FAM83G: variants seen among roughly 807,000 people sequenced by gnomAD.
FAM83G encodes the protein protein FAM83G.
FAM83G carries 38 observed loss-of-function variants against 61.5 expected under a neutral mutation model. The ratio of observed to expected loss-of-function variants is 0.62; its 90% CI spans 0.48 to 0.81. The LOEUF is 0.81. Ranked by LOEUF, FAM83G falls within the 30% of genes least tolerant of loss-of-function variation. The pLI, the probability that FAM83G is intolerant of heterozygous loss-of-function variation, is 0.00. For synonymous variants in FAM83G, 470 were observed against 476.1 expected (o/e 0.99, Z 0.17); for missense variants, 989 against 1,133.6 (o/e 0.87, Z 1.83).
chr17:18,978,593 T>A lies in FAM83G; in HGVS notation c.1073A>T (p.Asp358Val). ...CTCAGAGGAGATCTTGGCAATCTCG[T>A]CGACGCTCTTGGCCTTGACAAGTGC... is the stretch of plus-strand genomic sequence containing the variant. ...KYALVKAKSV[D>V]EIAKISSEKQ... Residue 358 changes from aspartate (D) to valine (V), a missense_variant, in exon 5 of 6, where the codon GAC becomes GTC. Around this residue, in one of 3 missense-constraint regions of FAM83G, gnomAD observed 574 missense variants for 645.1 expected, o/e 0.89. Transcript: ENST00000388995. The A allele has an allele frequency of 6.2e-7, 1 of 1,613,128 alleles. No homozygotes were observed. Among genetic ancestry groups the A allele is most frequent in the South Asian group, 1.1e-5 (1 of 91,074 alleles).
At chr17:18,997,102 A>G (rs1295397694) in intron 2 of FAM83G, among the ~76,000 whole-genome samples, 1 of 152,252 alleles carries the variant, frequency 6.6e-6, no homozygotes, top group East Asian at 1.9e-4. Flanking sequence ...ATTAAGGCCA[A>G]TTAAAGGAAG....
At chr17:18,982,640 T>TG (rs2043168201) in intron 3 of FAM83G, among the ~76,000 whole-genome samples, 1 of 152,016 alleles carries the variant, frequency 6.6e-6, no homozygotes, top group Non-Finnish European at 1.5e-5. Context: ...CAAGGCAAGG[T>TG]GGGGGCTCCA....
intron 3 of FAM83G, among the ~76,000 whole-genome samples, chr17:18,982,151 C>T (rs547034380): frequency 1.2e-4 from 19 of 152,368 alleles, no homozygotes; most frequent in Admixed American, 1.2e-3. Context: ...TCGGCTGGGC[C>T]GCTGACTCGC....
chr17:18,977,293 T>G, intron 5 of FAM83G: 1 of 579,152 alleles, frequency 1.7e-6, no homozygotes, highest in Non-Finnish European at 3.0e-6. Context: ...GCAGGTGCCA[T>G]CAAGATCCTC....
At chr17:18,973,893 T>TG (rs1213818698) in intron 5 of FAM83G, among the ~76,000 whole-genome samples, 2 of 123,938 alleles carry the variant, frequency 1.6e-5, no homozygotes, top group East Asian at 2.4e-4. Context: ...AGTTTTTTTT[T>TG]TTTTTTTTTT....
rs373051640 is a variant in FAM83G, at chr17:19,003,606, G to C, written c.436C>G (p.Arg146Gly). 1 of 1,611,358 alleles carries C rather than the reference G, an allele frequency of 6.2e-7. No homozygotes were observed. Among genetic ancestry groups the C allele is most frequent in the South Asian group, 1.1e-5 (1 of 90,832 alleles). The stretch of plus-strand genomic sequence containing the variant: ...GGGGGCTGCATGTAGACGCTAGCCC[G>C]GGTCACGCCGCGGTAGGCGATGGTG... ...PDTIAYRGVT[R>G]ASVYMQPPID... The change falls in exon 2 of 6, where the codon CGG becomes GGG. Residue 146 changes from arginine to glycine, a missense_variant. Transcript: ENST00000388995. The surrounding 1 kb of genome is among the most constrained non-coding windows in gnomAD (Gnocchi z 4.5).
At position 19,003,404 on chromosome 17, in the gene FAM83G, C is replaced by A; in HGVS notation, c.522+116G>T. 1 of 1,145,142 alleles carries A rather than the reference C, an allele frequency of 8.7e-7. No individual in the cohort carries two copies. Among genetic ancestry groups the A allele is most frequent in the African/African-American group, 1.6e-5 (1 of 61,942 alleles). The allele number at this position is 1,145,142 out of a possible 1,614,324, so 70.9% of individuals were successfully genotyped here. A position where few individuals can be genotyped will look rare whatever the true frequency, so the allele number is the denominator to read the frequency against. Reference sequence around the variant, plus strand: ...CCCAAGAGGCAGCCAGGGAAAACAGCAGAGATCCCTAGAAGCCCATGTTGG... The same window carrying A: ...CCCAAGAGGCAGCCAGGGAAAACAGAAGAGATCCCTAGAAGCCCATGTTGG... On this transcript the variant is annotated intron_variant, in intron 2 of 5. Coordinates refer to ENST00000388995, the MANE Select transcript of FAM83G (RefSeq NM_001039999.3). The surrounding 1 kb of genome is among the most constrained non-coding windows in gnomAD (Gnocchi z 4.5).
At chr17:18,974,160 G>C (rs1659270164) in intron 5 of FAM83G, among the ~76,000 whole-genome samples, 1 of 151,986 alleles carries the variant, frequency 6.6e-6, no homozygotes, top group African/African-American at 2.4e-5. Context: ...CAAAGTGCTG[G>C]GATTACAGGC....
At chr17:18,976,798 C>T in intron 5 of FAM83G, 6 of 1,598,622 alleles carry the variant, frequency 3.8e-6, no homozygotes, top group Non-Finnish European at 5.1e-6. Flanking sequence ...AAGGACCAAT[C>T]CTGACACAAG....
Position 18,977,843 on chromosome 17 carries a change from C to T in FAM83G, c.1823G>A (p.Arg608Gln), listed in dbSNP as rs754522335. Residue 608 changes from arginine (R) to glutamine (Q), a missense_variant, in exon 5 of 6, where the codon CGG becomes CAG. Arg to Gln is a conservative substitution (Grantham distance 43). Transcript: ENST00000388995. ...TGACACAGAGGAAGCCACTGAGGGC[C>T]GTCGGGGGCCAGGGCCACGGCCGGA... is the stretch of plus-strand genomic sequence containing the variant. ...GSSGRGPGPR[R>Q]PSVASSVSEE... 11 of 1,610,666 alleles carry T rather than the reference C, an allele frequency of 6.8e-6. No homozygotes were observed. Among genetic ancestry groups the T allele is most frequent in the South Asian group, 3.3e-5 (3 of 90,928 alleles).
intron 2 of FAM83G, among the ~76,000 whole-genome samples, chr17:18,999,051 G>A (rs1378512053): frequency 1.3e-5 from 2 of 152,204 alleles, no homozygotes; most frequent in Non-Finnish European, 2.9e-5. Flanking sequence ...AGGCAGAGGC[G>A]GGTGGATCAC....
At chr17:18,989,654 G>A (rs751144626) in intron 2 of FAM83G, among the ~76,000 whole-genome samples, 4 of 152,232 alleles carry the variant, frequency 2.6e-5, no homozygotes, top group African/African-American at 7.2e-5. Flanking sequence ...CCGACGGGGG[G>A]CTGGGGCGGG....
chr17:18,969,060 G>C lies in FAM83G; in HGVS notation c.*2299C>G, dbSNP rs760869365. ...GCTCTCTCCCTCCGCAGCTGGACCT[G>C]TACGCGGGGGCTCTGTTTGTGCACA... On this transcript the variant is annotated 3_prime_UTR_variant, in exon 6 of 6. Coordinates refer to ENST00000388995, the MANE Select transcript of FAM83G (RefSeq NM_001039999.3). 4 of 1,613,640 alleles carry C rather than the reference G, an allele frequency of 2.5e-6. 1 individual carries two copies. The South Asian group carries it at 4.4e-5, about 18-fold the overall frequency.
chr17:18,984,564 T>C (rs1226682365), intron 3 of FAM83G, among the ~76,000 whole-genome samples: 1 of 152,188 alleles, frequency 6.6e-6, no homozygotes, highest in African/African-American at 2.4e-5. Flanking sequence ...TCTTTGTTCA[T>C]CAGAAACGGG....
rs2043804550 is a variant in FAM83G, at chr17:19,003,900, C to T, written c.142G>A (p.Glu48Lys). ...CGGATGTTCTCCCGCTTGAGCACCT[C>T]GTAGAAGGCGTCCCGGCCGCGGGCC... ...LVARGRDAFY[E>K]VLKRENIRDF... Residue 48 changes from glutamate (E) to lysine (K), a missense_variant, in exon 2 of 6, where the codon GAG (glutamate) becomes AAG (lysine). Physicochemically the swap from Glu to Lys is moderately conservative, Grantham distance 56 (BLOSUM62 1). Coordinates refer to ENST00000388995, the MANE Select transcript of FAM83G (RefSeq NM_001039999.3). The surrounding 1 kb of genome is among the most constrained non-coding windows in gnomAD (Gnocchi z 4.5). 1.9e-6 allele frequency: 3 copies of T among 1,612,908 alleles called. No individual in the cohort carries two copies. The highest frequency in any genetic ancestry group is 1.7e-5 in the Admixed American group (1 of 60,016).
At chr17:18,980,553 C>T (rs1437247779) in intron 3 of FAM83G, among the ~76,000 whole-genome samples, 1 of 152,146 alleles carries the variant, frequency 6.6e-6, no homozygotes, top group Non-Finnish European at 1.5e-5. Context: ...GTCTCTGGAG[C>T]TGCCAAGGGC....
chr17:18,986,250 G>C (rs1186697945), intron 3 of FAM83G: 1 of 152,244 alleles, frequency 6.6e-6, no homozygotes, highest in Non-Finnish European at 1.5e-5. Flanking sequence ...GTGTGAATGA[G>C]TAGGGTGGGA....
chr17:18,992,899 A>G (rs62076204), intron 2 of FAM83G, among the ~76,000 whole-genome samples: 15,172 of 152,146 alleles, frequency 0.1, 865 homozygotes, highest in South Asian at 0.24. Context: ...CTCCCCACAC[A>G]GCTCCTGCCT....
rs777797995 is a variant in FAM83G at position 18,971,013 on chromosome 17, C to T, written c.*346G>A. 6.2e-7 allele frequency: 1 copy of T among 1,613,806 alleles called. No individual in the cohort carries two copies. Among genetic ancestry groups the T allele is most frequent in the African/African-American group, 1.3e-5 (1 of 74,916 alleles). ...CCCTGTTCCACCCTGACCCCTCCAGCTTTTGACCAGATCGGTGGTTACGGG... is the reference window on the plus strand; with the variant it reads ...CCCTGTTCCACCCTGACCCCTCCAGTTTTTGACCAGATCGGTGGTTACGGG... On this transcript the variant is annotated 3_prime_UTR_variant, in exon 6 of 6. Transcript: ENST00000388995. This position sits in a 1 kb window ranked among gnomAD's most constrained non-coding sequence, Gnocchi z 5.5.
Sources: allele counts gnomAD v4.1 joint callset (sites outside exome capture counted in the v4.1 genomes callset), GRCh38; gene constraint gnomAD v4.1.1; regional missense constraint gnomAD v4.1.1; non-coding constraint Gnocchi (gnomAD v3.1); transcripts MANE v1.5; gene names NCBI Gene and HGNC (gene_info 2026-07-23, HGNC 2026-07-21).